Variants in CADPS observed in about 807,000 individuals in gnomAD.
CADPS encodes the protein calcium dependent secretion activator, also known as calcium-dependent secretion activator 1.
CADPS carries 57 observed loss-of-function variants against 167.3 expected under a neutral mutation model. The ratio of observed to expected loss-of-function variants is 0.34; its 90% CI spans 0.28 to 0.42. The LOEUF is 0.42. Ranked by LOEUF, CADPS falls within the 20% of genes least tolerant of loss-of-function variation. CADPS has a pLI of 1.00. For synonymous variants in CADPS, 676 were observed against 635.3 expected (o/e 1.06, Z -0.96); for missense variants, 1,414 against 1,738.1 (o/e 0.81, Z 3.32).
intron 1 of CADPS, chr3:62,779,682 G>T: frequency 4.0e-6 from 2 of 502,630 alleles, no homozygotes; most frequent in Non-Finnish European, 8.1e-6. Flanking sequence ...ACCGACCAAA[G>T]CCCCATTCTG....
intron 3 of CADPS, among the ~76,000 whole-genome samples, chr3:62,716,957 C>T (rs1442049401): frequency 6.6e-6 from 1 of 152,124 alleles, no homozygotes; most frequent in Non-Finnish European, 1.5e-5. Flanking sequence ...ACTAGTGAAG[C>T]TCACGATGTA....
At chr3:62,451,622 A>G (rs1326795119) in intron 26 of CADPS, among the ~76,000 whole-genome samples, 2 of 152,078 alleles carry the variant, frequency 1.3e-5, no homozygotes, top group African/African-American at 4.8e-5. Context: ...AAAAAGGAAA[A>G]AAACAATCAA....
At chr3:62,604,955 C>G (rs1333870383) in intron 6 of CADPS, among the ~76,000 whole-genome samples, 1 of 152,220 alleles carries the variant, frequency 6.6e-6, no homozygotes, top group African/African-American at 2.4e-5. Flanking sequence ...TATTTAATTT[C>G]CAACACTGGG....
intron 8 of CADPS, among the ~76,000 whole-genome samples, chr3:62,579,962 T>C (rs923154323): frequency 6.6e-6 from 1 of 151,996 alleles, no homozygotes; most frequent in African/African-American, 2.4e-5. Flanking sequence ...GGGTGAAAGG[T>C]TGAATTCTAG....
intron 9 of CADPS, among the ~76,000 whole-genome samples, chr3:62,563,350 ACTATTGTATTCCAAGGCATT>A (rs2079522596): frequency 2.0e-5 from 3 of 152,144 alleles, no homozygotes; most frequent in Admixed American, 2.0e-4. Flanking sequence ...CCAGGTGACT[ACTATTGTATTCCAAGGCATT>A]ATATATTATC....
chr3:62,526,565 T>G (rs1440282201), intron 13 of CADPS, among the ~76,000 whole-genome samples: 4 of 152,196 alleles, frequency 2.6e-5, no homozygotes, highest in Non-Finnish European at 5.9e-5. Flanking sequence ...AATCTAAATG[T>G]CATCTAGAAA....
At chr3:62,825,041 G>C (rs475747) in intron 1 of CADPS, among the ~76,000 whole-genome samples, 76,986 of 151,918 alleles carry the variant, frequency 0.51, 19,844 homozygotes, top group African/African-American at 0.61. Context: ...GAAAATCACT[G>C]TCATACTGGG....
At position 62,491,484 on chromosome 3, in the gene CADPS, G is replaced by T; in HGVS notation, c.2885-4C>A. 1.2e-6 allele frequency: 2 copies of T among 1,611,874 alleles called. No homozygotes were observed. Among genetic ancestry groups the T allele is most frequent in the South Asian group, 2.2e-5 (2 of 90,918 alleles). Reference sequence around the variant, plus strand: ...AATTTTCCATTGCACAAATTATCTAGAACAGATAAGCAAAAGCTTGTTAAG... The same window carrying T: ...AATTTTCCATTGCACAAATTATCTATAACAGATAAGCAAAAGCTTGTTAAG... On this transcript the variant is annotated splice_region_variant and splice_polypyrimidine_tract_variant and intron_variant, in intron 20 of 29. Coordinates refer to ENST00000383710, the MANE Select transcript of CADPS (RefSeq NM_003716.4).
intron 3 of CADPS, among the ~76,000 whole-genome samples, chr3:62,744,202 G>C (rs2080949252): frequency 1.3e-5 from 2 of 152,136 alleles, no homozygotes; most frequent in South Asian, 4.1e-4. Context: ...CTGGCACATA[G>C]TAAGTATTTA....
intron 3 of CADPS, among the ~76,000 whole-genome samples, chr3:62,738,449 T>A (rs575732445): frequency 6.6e-6 from 1 of 152,068 alleles, no homozygotes; most frequent in East Asian, 1.9e-4. Flanking sequence ...TGATGCATTG[T>A]GTGGTGTCTC....
At chr3:62,522,950 A>G (rs1457161029) in intron 13 of CADPS, among the ~76,000 whole-genome samples, 2 of 152,300 alleles carry the variant, frequency 1.3e-5, no homozygotes, top group South Asian at 4.1e-4. Context: ...ACAGCAGACT[A>G]TATCGCATCT....
At chr3:62,477,272 A>G (rs2061438673) in intron 23 of CADPS, among the ~76,000 whole-genome samples, 6 of 151,506 alleles carry the variant, frequency 4.0e-5, no homozygotes, top group Admixed American at 3.9e-4. Flanking sequence ...AAGCTACACA[A>G]CATCTGGAGA....
intron 6 of CADPS, among the ~76,000 whole-genome samples, chr3:62,629,910 C>T (rs569607806): frequency 6.6e-6 from 1 of 152,254 alleles, no homozygotes; most frequent in African/African-American, 2.4e-5. Context: ...GAAGTGTCAA[C>T]TCAAATAGCT....
At chr3:62,659,136 C>T (rs2150400202) in intron 4 of CADPS, among the ~76,000 whole-genome samples, 1 of 152,262 alleles carries the variant, frequency 6.6e-6, no homozygotes. Flanking sequence ...TGGATGACAT[C>T]TATATCCAGG....
intron 13 of CADPS, among the ~76,000 whole-genome samples, chr3:62,526,075 T>C (rs562340995): frequency 2.6e-5 from 4 of 152,260 alleles, no homozygotes; most frequent in South Asian, 2.1e-4. Flanking sequence ...AGGTTCTATC[T>C]TGGGCAACCG....
Position 62,536,534 on chromosome 3 carries a change from T to G in CADPS, c.2014A>C (p.Asn672His). 6.2e-7 allele frequency: 1 copy of G among 1,613,446 alleles called. No homozygotes were observed. Among genetic ancestry groups the G allele is most frequent in the Non-Finnish European group, 8.5e-7 (1 of 1,179,462 alleles). The change falls in exon 12 of 30, where the codon AAC (asparagine) becomes CAC (histidine). Residue 672 changes from asparagine to histidine, a missense_variant. Asn to His is a moderately conservative substitution (Grantham distance 68). Around this residue, in one of 6 missense-constraint regions of CADPS, gnomAD observed 529 missense variants for 629.6 expected, o/e 0.84. Transcript: ENST00000383710. ...GAAGCGTGGTCAAAGTTACAGGGGT[T>G]GGAAGAGATAAATTCATCCATGCCA... ...KHGMDEFISS[N>H]PCNFDHASLF...
At chr3:62,721,755 T>C (rs1380713250) in intron 3 of CADPS, among the ~76,000 whole-genome samples, 3 of 152,166 alleles carry the variant, frequency 2.0e-5, no homozygotes, top group Non-Finnish European at 4.4e-5. Flanking sequence ...TTTATGCACA[T>C]TATTTAATTT....
intron 1 of CADPS, among the ~76,000 whole-genome samples, chr3:62,787,085 G>A (rs536898311): frequency 4.6e-5 from 7 of 152,190 alleles, no homozygotes; most frequent in East Asian, 1.9e-4. Context: ...CTTGATCTCC[G>A]GAGTTAGAGA....
intron 28 of CADPS, among the ~76,000 whole-genome samples, chr3:62,431,841 A>G (rs2149625894): frequency 6.6e-6 from 1 of 151,514 alleles, no homozygotes; most frequent in Non-Finnish European, 1.5e-5. Context: ...TTGCTTACTC[A>G]TTTTAGAAAA....
Sources: allele counts gnomAD v4.1 joint callset (sites outside exome capture counted in the v4.1 genomes callset), GRCh38; gene constraint gnomAD v4.1.1; regional missense constraint gnomAD v4.1.1; transcripts MANE v1.5; gene names NCBI Gene and HGNC (gene_info 2026-07-23, HGNC 2026-07-21).